Variants in GLIS3 observed in about 807,000 individuals in gnomAD.
GLIS3 encodes GLIS family zinc finger 3.
A neutral mutation model predicts 78.6 loss-of-function variants in GLIS3; 53 were observed. The observed-to-expected ratio is 0.67, with a 90% CI of 0.54 to 0.85. The LOEUF (loss-of-function observed/expected upper bound fraction) is 0.85, where lower values mean the gene tolerates loss of function less well. Ranked by LOEUF, GLIS3 falls within the 40% of genes least tolerant of loss-of-function variation. The pLI, the probability that GLIS3 is intolerant of heterozygous loss-of-function variation, is 0.00. For synonymous variants in GLIS3, 684 were observed against 509.9 expected (o/e 1.34, Z -4.60); for missense variants, 1,703 against 1,231.1 (o/e 1.38, Z -5.74).
intron 4 of GLIS3, among the ~76,000 whole-genome samples, chr9:4,026,640 G>GA (rs1823373587): frequency 6.6e-6 from 1 of 152,154 alleles, no homozygotes; most frequent in Non-Finnish European, 1.5e-5. Flanking sequence ...AGATCATTTT[G>GA]TGATAAATAA....
intron 4 of GLIS3, among the ~76,000 whole-genome samples, chr9:3,993,733 G>T (rs964622814): frequency 6.6e-6 from 1 of 152,100 alleles, no homozygotes; most frequent in African/African-American, 2.4e-5. Flanking sequence ...GTTGATGATT[G>T]CATGATTTTA....
At chr9:4,398,957 G>C in the GLIS3 span, among the ~76,000 whole-genome samples, 1 of 152,150 alleles carries the variant, frequency 6.6e-6, no homozygotes, top group East Asian at 1.9e-4. Context: ...AAAGTGCTAG[G>C]ATTACAGGCG....
chr9:4,313,479 G>T (rs1817394601), intron 2 of GLIS3, among the ~76,000 whole-genome samples: 1 of 152,102 alleles, frequency 6.6e-6, no homozygotes, highest in Admixed American at 6.5e-5. Flanking sequence ...CTCTCAGCCA[G>T]ACCATTTCTC....
the GLIS3 span, among the ~76,000 whole-genome samples, chr9:4,440,960 T>C: frequency 6.6e-6 from 1 of 152,168 alleles, no homozygotes; most frequent in Non-Finnish European, 1.5e-5. Flanking sequence ...GATAGTTTGC[T>C]ATTAGCATAT....
chr9:4,188,677 T>C (rs1465960181), intron 2 of GLIS3, among the ~76,000 whole-genome samples: 3 of 152,220 alleles, frequency 2.0e-5, no homozygotes, highest in African/African-American at 7.2e-5. Flanking sequence ...TTTCAGAGCC[T>C]GTTATTGGTC....
At chr9:4,326,436 A>T (rs1817601419) in intron 2 of GLIS3, among the ~76,000 whole-genome samples, 1 of 152,224 alleles carries the variant, frequency 6.6e-6, no homozygotes, top group Non-Finnish European at 1.5e-5. Context: ...ACATTATGCT[A>T]AGTGAAATAG....
intron 2 of GLIS3, among the ~76,000 whole-genome samples, chr9:4,325,479 T>C (rs892974135): frequency 6.6e-6 from 1 of 152,232 alleles, no homozygotes; most frequent in African/African-American, 2.4e-5. Flanking sequence ...AATTTTTCAC[T>C]AAGCCCACTT....
chr9:4,256,318 G>C (rs1031743901), intron 2 of GLIS3, among the ~76,000 whole-genome samples: 4 of 152,156 alleles, frequency 2.6e-5, no homozygotes, highest in African/African-American at 9.7e-5. Flanking sequence ...TTTACATTAA[G>C]TATGAAAGGT....
the GLIS3 span, among the ~76,000 whole-genome samples, chr9:4,418,860 G>A: frequency 1.3e-5 from 2 of 152,176 alleles, no homozygotes; most frequent in Admixed American, 6.5e-5. Context: ...TGTAGGAGGA[G>A]CAATGTGAGC....
intron 2 of GLIS3, among the ~76,000 whole-genome samples, chr9:4,243,702 C>T (rs1441074158): frequency 1.3e-5 from 2 of 152,178 alleles, no homozygotes; most frequent in Non-Finnish European, 2.9e-5. Context: ...ATCAAAATGC[C>T]TCCCTGGCAG....
intron 2 of GLIS3, among the ~76,000 whole-genome samples, chr9:4,228,458 C>G (rs1053994667): frequency 6.6e-6 from 1 of 152,148 alleles, no homozygotes; most frequent in African/African-American, 2.4e-5. Context: ...CACGATAAAT[C>G]TCAAAAGGAT....
At chr9:4,149,511 C>G (rs982819) in intron 2 of GLIS3, among the ~76,000 whole-genome samples, 5 of 152,088 alleles carry the variant, frequency 3.3e-5, no homozygotes, top group African/African-American at 1.2e-4. Context: ...CTCACACTCA[C>G]GCGGAGCCTC....
intron 2 of GLIS3, among the ~76,000 whole-genome samples, chr9:4,328,002 G>A (rs911898577): frequency 6.6e-6 from 1 of 152,162 alleles, no homozygotes; most frequent in Non-Finnish European, 1.5e-5. Context: ...CCACATGCAC[G>A]TGACTCATGT....
chr9:4,432,950 A>G, the GLIS3 span, among the ~76,000 whole-genome samples: 2 of 152,216 alleles, frequency 1.3e-5, no homozygotes, highest in East Asian at 3.9e-4. Flanking sequence ...ACCCAGCAAC[A>G]CAGACTATGT....
chr9:4,133,416 T>C (rs543479846), intron 2 of GLIS3, among the ~76,000 whole-genome samples: 3 of 152,068 alleles, frequency 2.0e-5, no homozygotes, highest in East Asian at 1.9e-4. Context: ...CCAACTAGGG[T>C]TGGGATATCA....
intron 2 of GLIS3, among the ~76,000 whole-genome samples, chr9:4,166,412 C>T (rs1025732131): frequency 3.9e-5 from 6 of 152,084 alleles, no homozygotes; most frequent in African/African-American, 7.2e-5. Context: ...ATGGGGGCCT[C>T]GAGCTAATCT....
chr9:4,047,039 T>G (rs936773939), intron 4 of GLIS3, among the ~76,000 whole-genome samples: 1 of 152,174 alleles, frequency 6.6e-6, no homozygotes, highest in Admixed American at 6.5e-5. Flanking sequence ...TTTGGCTCTA[T>G]GTCCCCACCA....
chr9:4,247,162 T>C (rs1823880106), intron 2 of GLIS3, among the ~76,000 whole-genome samples: 1 of 152,180 alleles, frequency 6.6e-6, no homozygotes, highest in African/African-American at 2.4e-5. Context: ...CATTCGTAAG[T>C]ATCTCAAGTC....
the GLIS3 span, among the ~76,000 whole-genome samples, chr9:4,357,368 C>G: frequency 6.6e-6 from 1 of 152,148 alleles, no homozygotes; most frequent in African/African-American, 2.4e-5. Flanking sequence ...AAGGAAGAAT[C>G]CCCTCTCTGA....
Sources: gnomAD v4.1 joint callset for allele counts (sites outside exome capture counted in the v4.1 genomes callset) on GRCh38, gnomAD v4.1.1 for gene constraint, MANE v1.5 for transcripts, NCBI Gene and HGNC (gene_info 2026-07-23, HGNC 2026-07-21) for gene names.